Variants in PPM1L observed in about 807,000 individuals in gnomAD.
The protein encoded by PPM1L is protein phosphatase 1L.
In PPM1L, 13 loss-of-function variants were observed where a neutral mutation model predicts 31.4. The observed-to-expected ratio is 0.41, with a 90% CI of 0.27 to 0.66. The LOEUF is 0.66. Among genes scored for constraint, PPM1L ranks in the 30% least tolerant of loss-of-function variants. PPM1L has a pLI of 0.29. For missense variants in PPM1L, 326 were observed against 453.7 expected (o/e 0.72, Z 2.56); for synonymous variants, 184 against 175.4 (o/e 1.05, Z -0.39).
chr3:160,978,935 C>G (rs1338979857), intron 2 of PPM1L, among the ~76,000 whole-genome samples: 1 of 151,850 alleles, frequency 6.6e-6, no homozygotes, highest in Non-Finnish European at 1.5e-5. Flanking sequence ...GAAAATGCAT[C>G]TGAATACTCT....
At chr3:160,804,727 A>G (rs116185961) in intron 1 of PPM1L, among the ~76,000 whole-genome samples, 1,853 of 152,294 alleles carry the variant, frequency 0.012, 33 homozygotes, top group African/African-American at 0.043. Flanking sequence ...TGTTTTGCCA[A>G]ATTTACACAA....
At chr3:160,859,070 A>G (rs1021355277) in intron 1 of PPM1L, among the ~76,000 whole-genome samples, 1 of 152,178 alleles carries the variant, frequency 6.6e-6, no homozygotes, top group Non-Finnish European at 1.5e-5. Flanking sequence ...GTCTGGAACT[A>G]TTAAAGAAGA....
At chr3:160,775,613 G>A in intron 1 of PPM1L, among the ~76,000 whole-genome samples, 1 of 152,126 alleles carries the variant, frequency 6.6e-6, no homozygotes, top group Admixed American at 6.6e-5. Flanking sequence ...TCTGGTGTGA[G>A]GCAAGAAGTT....
At chr3:161,045,243 A>G (rs1719023853) in intron 2 of PPM1L, among the ~76,000 whole-genome samples, 1 of 152,228 alleles carries the variant, frequency 6.6e-6, no homozygotes, top group Non-Finnish European at 1.5e-5. Flanking sequence ...GATATCCAGG[A>G]ATTGAACTCA....
chr3:160,908,548 C>G (rs935706687), intron 1 of PPM1L, among the ~76,000 whole-genome samples: 4 of 151,964 alleles, frequency 2.6e-5, no homozygotes, highest in African/African-American at 9.7e-5. Flanking sequence ...GTGTATCTTA[C>G]ATTTAGAAAC....
chr3:160,873,636 C>T (rs1712397378), intron 1 of PPM1L, among the ~76,000 whole-genome samples: 1 of 151,926 alleles, frequency 6.6e-6, no homozygotes. Context: ...CAACCTCTGT[C>T]CCCCGGGTTC....
At chr3:160,854,617 CAT>C (rs1340689345) in intron 1 of PPM1L, among the ~76,000 whole-genome samples, 1 of 151,900 alleles carries the variant, frequency 6.6e-6, no homozygotes, top group African/African-American at 2.4e-5. Context: ...CACACACACA[CAT>C]ACACACACAT....
rs1281043429 is a variant in PPM1L, at chr3:161,078,066, AAGT to A, written c.*8912_*8914del. 2 of 152,178 alleles carry A rather than the reference AAGT, an allele frequency of 1.3e-5. No homozygotes were observed. The highest frequency in any genetic ancestry group is 6.5e-5 in the Admixed American group (1 of 15,272). The allele number at this position is 152,178 out of a possible 1,614,324, so 9.4% of individuals were successfully genotyped here. On this transcript the variant is annotated 3_prime_UTR_variant, in exon 4 of 4. Coordinates refer to ENST00000498165, the MANE Select transcript of PPM1L (RefSeq NM_139245.4). ...ACGGTAAAGATCTGATTGTGATCAAAAGTAGGGTTTTTGTTTTGTTTTTAATCA... is the reference window on the plus strand; with the variant it reads ...ACGGTAAAGATCTGATTGTGATCAAAAGGGTTTTTGTTTTGTTTTTAATCA...
Position 161,069,251 on chromosome 3 carries a change from T to A in PPM1L, c.*94T>A. 1.0e-6 allele frequency: 1 copy of A among 952,958 alleles called. No homozygotes were observed. 59.0% of individuals were successfully genotyped at this position (952,958 alleles called of 1,614,324 possible). ...AAAAGTGTGGGAGTTGTAATTAGGA[T>A]CATCCACCCCAGACATGGAATCCCC... On this transcript the variant is annotated 3_prime_UTR_variant, in exon 4 of 4. Coordinates refer to ENST00000498165, the MANE Select transcript of PPM1L (RefSeq NM_139245.4).
rs199577407 is a variant in PPM1L, at chr3:160,916,681, C to CT, written c.400-45045dup. Among the ~76,000 whole-genome samples the CT allele has an allele frequency of 5.0e-3, 738 of 149,066 alleles. 3 individuals carry two copies. The highest frequency in any genetic ancestry group is 6.8e-3 in the African/African-American group (275 of 40,716). ...GCTAGATGAGTGCCAGTTTTATATT[C>CT]TTTTTTTTTTCTGGCAACTCCTTTG... On this transcript the variant is annotated intron_variant, in intron 1 of 3. Coordinates refer to ENST00000498165, the MANE Select transcript of PPM1L (RefSeq NM_139245.4).
At chr3:160,973,455 T>C (rs1245176975) in intron 2 of PPM1L, among the ~76,000 whole-genome samples, 7 of 152,232 alleles carry the variant, frequency 4.6e-5, no homozygotes, top group Non-Finnish European at 2.9e-5. Flanking sequence ...TAAACAAGAT[T>C]TTATAGACCT....
At chr3:160,956,347 A>G (rs1042194511) in intron 1 of PPM1L, among the ~76,000 whole-genome samples, 2 of 152,214 alleles carry the variant, frequency 1.3e-5, no homozygotes, top group Non-Finnish European at 1.5e-5. Flanking sequence ...CGAAGTCATC[A>G]TCTTTTCAGG....
At chr3:160,873,371 A>G (rs544974769) in intron 1 of PPM1L, among the ~76,000 whole-genome samples, 70 of 152,294 alleles carry the variant, frequency 4.6e-4, no homozygotes, top group African/African-American at 1.6e-3. Flanking sequence ...AAATTTAATC[A>G]TTGCTGGGAA....
chr3:160,981,125 G>A (rs1311430615), intron 2 of PPM1L, among the ~76,000 whole-genome samples: 1 of 152,134 alleles, frequency 6.6e-6, no homozygotes, highest in African/African-American at 2.4e-5. Flanking sequence ...GTATTTGTAT[G>A]GGTTTAATAT....
intron 1 of PPM1L, among the ~76,000 whole-genome samples, chr3:160,786,207 A>ATATTTT (rs1560106768): frequency 2.9e-4 from 9 of 30,886 alleles, no homozygotes; most frequent in Non-Finnish European, 4.2e-4. Context: ...ATATATATAT[A>ATATTTT]TTTTTTTTTT....
intron 2 of PPM1L, among the ~76,000 whole-genome samples, chr3:160,982,507 A>G (rs1468313862): frequency 1.3e-5 from 2 of 152,178 alleles, no homozygotes; most frequent in African/African-American, 4.8e-5. Context: ...AATTATATCT[A>G]TTAAATAATT....
At chr3:160,990,291 C>T (rs985649915) in intron 2 of PPM1L, among the ~76,000 whole-genome samples, 1 of 152,106 alleles carries the variant, frequency 6.6e-6, no homozygotes, top group African/African-American at 2.4e-5. Context: ...GGTGAGCCAC[C>T]ATGCCCAGCC....
intron 2 of PPM1L, among the ~76,000 whole-genome samples, chr3:161,057,266 T>C (rs1397184322): frequency 6.6e-6 from 1 of 152,040 alleles, no homozygotes; most frequent in Non-Finnish European, 1.5e-5. Context: ...ATCCCTTCCC[T>C]CCTCCGCCTC....
In PPM1L at chr3:160,970,787, A is replaced by ATTTTTTTTTTTT. The variant is rs71628437; in HGVS notation, c.574+8888_574+8899dup. ...CAAGCTGATTTTAATTTCAGTTATA[A>ATTTTTTTTTTTT]TTTTTTTTTTTTTTTTTTTTTTGAG... On this transcript the variant is annotated intron_variant, in intron 2 of 3. Transcript: ENST00000498165. Among the ~76,000 whole-genome samples the ATTTTTTTTTTTT allele has an allele frequency of 9.3e-4, 90 of 97,162 alleles. 5 individuals are homozygous for ATTTTTTTTTTTT. The highest frequency in any genetic ancestry group is 3.9e-3 in the African/African-American group (88 of 22,350). The allele number at this position is 97,162 out of a possible 152,430, so 63.7% of individuals were successfully genotyped here.
Sources: gnomAD v4.1 joint callset for allele counts (sites outside exome capture counted in the v4.1 genomes callset) on GRCh38, gnomAD v4.1.1 for gene constraint, MANE v1.5 for transcripts, NCBI Gene and HGNC (gene_info 2026-07-23, HGNC 2026-07-21) for gene names.